Variants in HOXB7 observed in about 807,000 individuals in gnomAD.
HOXB7 encodes the protein homeobox protein Hox-B7.
In HOXB7, 11 loss-of-function variants were observed where a neutral mutation model predicts 19.2. The observed-to-expected ratio is 0.57, with a 90% CI of 0.36 to 0.95. The LOEUF is 0.95. Among genes scored for constraint, HOXB7 ranks in the 40% least tolerant of loss-of-function variants. The pLI is 0.01. For synonymous variants in HOXB7, 141 were observed against 130.2 expected (o/e 1.08, Z -0.56); for missense variants, 318 against 301.1 (o/e 1.06, Z -0.42).
At chr17:48,609,865 A>G (rs1440985015) in intron 1 of HOXB7, among the ~76,000 whole-genome samples, 2 of 152,142 alleles carry the variant, frequency 1.3e-5, no homozygotes, top group Non-Finnish European at 2.9e-5. Flanking sequence ...CACTGGGATC[A>G]GGAGGATCAT....
At chr17:48,610,027 G>T (rs1003706193) in intron 1 of HOXB7, among the ~76,000 whole-genome samples, 1 of 152,064 alleles carries the variant, frequency 6.6e-6, no homozygotes, top group Non-Finnish European at 1.5e-5. Flanking sequence ...GAGGAAGGGG[G>T]AGGGGAGAAT....
rs768594534 is a variant in HOXB7 at position 48,610,536 on chromosome 17, G to A, written c.383C>T (p.Pro128Leu). ...GGCGTTACCTGAGCTTCGCATCCAG[G>A]GGTAGATCCGGAAGTTACTCTCGGC... is the stretch of plus-strand genomic sequence containing the variant. ...LAAESNFRIY[P>L]WMRSSGTDRK... The change falls in exon 1 of 2, where the codon CCC (proline) becomes CTC (leucine). Residue 128 changes from proline to leucine, a missense_variant. By Grantham distance (98) the Pro-to-Leu change is moderately conservative (BLOSUM62 -3). Transcript: ENST00000239165. The A allele has an allele frequency of 1.8e-5, 28 of 1,513,570 alleles. No homozygotes were observed. Among genetic ancestry groups the A allele is most frequent in the Non-Finnish European group, 2.3e-5 (26 of 1,124,548 alleles). The allele number at this position is 1,513,570 out of a possible 1,614,324, so 93.8% of individuals were successfully genotyped here.
At chr17:48,610,194 C>T (rs906948881) in intron 1 of HOXB7, among the ~76,000 whole-genome samples, 1 of 152,178 alleles carries the variant, frequency 6.6e-6, no homozygotes, top group Non-Finnish European at 1.5e-5. Flanking sequence ...CAAACGGCCT[C>T]GTCTCCAGCC....
intron 1 of HOXB7, among the ~76,000 whole-genome samples, chr17:48,609,286 G>A (rs2070619412): frequency 6.6e-6 from 1 of 152,250 alleles, no homozygotes; most frequent in African/African-American, 2.4e-5. Context: ...TCCTGGGAAG[G>A]AGACAAGGGA....
In HOXB7 at chr17:48,610,821, G is replaced by C; in HGVS notation, c.98C>G (p.Ala33Gly). 6.3e-7 allele frequency: 1 copy of C among 1,583,776 alleles called. No homozygotes were observed. The highest frequency in any genetic ancestry group is 8.6e-7 in the Non-Finnish European group (1 of 1,167,926). ...CGGGCGCTGGGGGTTGGAAGCAAAC[G>C]CACAAGAAGTTTGTTCTGGGAAGGC... is the stretch of plus-strand genomic sequence containing the variant. Reference protein sequence around the residue: ...TGAFPEQTSCAFASNPQRPGY... With the variant: ...TGAFPEQTSCGFASNPQRPGY... The change falls in exon 1 of 2, where the codon GCG (alanine) becomes GGG (glycine). Residue 33 changes from alanine to glycine, a missense_variant. Physicochemically the swap from Ala to Gly is moderately conservative, Grantham distance 60. Coordinates refer to ENST00000239165, the MANE Select transcript of HOXB7 (RefSeq NM_004502.4).
chr17:48,608,514 G>T (rs2070613013), intron 1 of HOXB7, among the ~76,000 whole-genome samples: 1 of 151,454 alleles, frequency 6.6e-6, no homozygotes, highest in South Asian at 2.1e-4. Context: ...AATGGGCGAT[G>T]GGCAAAGAAG....
chr17:48,609,818 C>T (rs975116409), intron 1 of HOXB7, among the ~76,000 whole-genome samples: 2 of 152,182 alleles, frequency 1.3e-5, no homozygotes, highest in African/African-American at 4.8e-5. Flanking sequence ...GCCTCTGCCC[C>T]TTTCTAGTTC....
chr17:48,607,703 G>GT lies in HOXB7; in HGVS notation c.*138dup, dbSNP rs373086048. 14,859 of 607,734 alleles carry GT rather than the reference G, an allele frequency of 0.024. 124 individuals are homozygous for GT. Among genetic ancestry groups the GT allele is most frequent in the African/African-American group, 0.067 (3,431 of 50,888 alleles). The allele number at this position is 607,734 out of a possible 1,614,324, so 37.6% of individuals were successfully genotyped here. A position where few individuals can be genotyped will look rare whatever the true frequency, so the allele number is the denominator to read the frequency against. Reference sequence around the variant, plus strand: ...TTTAAACTCCTTTCATTTAAATAGGGTTTTTTTTTTGTTTTTTTTGTTTTT... The same window carrying GT: ...TTTAAACTCCTTTCATTTAAATAGGGTTTTTTTTTTTGTTTTTTTTGTTTTT... On this transcript the variant is annotated 3_prime_UTR_variant, in exon 2 of 2. Transcript: ENST00000239165.
chr17:48,608,714 C>A (rs992437532), intron 1 of HOXB7, among the ~76,000 whole-genome samples: 1 of 152,206 alleles, frequency 6.6e-6, no homozygotes, highest in African/African-American at 2.4e-5. Context: ...AAAGGCTCTG[C>A]ACCTAAGGGG....
chr17:48,610,074 C>T (rs1187169063), intron 1 of HOXB7, among the ~76,000 whole-genome samples: 4 of 94 alleles, frequency 0.043, no homozygotes, highest in Admixed American at 0.12. Flanking sequence ...ATACCTTATC[C>T]GAGTGGGGCA....
intron 1 of HOXB7, 104 bp downstream of exon 1, chr17:48,610,415 G>A: frequency 8.3e-7 from 1 of 1,204,532 alleles, no homozygotes; most frequent in Non-Finnish European, 1.1e-6. Context: ...CTCCGGCTGG[G>A]AGCACTCTGG....
Position 48,608,080 on chromosome 17 carries a change from C to T in HOXB7, c.416G>A (p.Arg139Gln). ...WMRSSGTDRK[R>Q]GRQTYTRYQT... ...GTAGCGGGTGTAGGTCTGGCGGCCT[C>T]GTTTGCGGTCAGTTCCTGCACACAG... Residue 139 changes from arginine (R) to glutamine (Q), a missense_variant, in exon 2 of 2, where the codon CGA (arginine) becomes CAA (glutamine). Coordinates refer to ENST00000239165, the MANE Select transcript of HOXB7 (RefSeq NM_004502.4). The T allele has an allele frequency of 1.1e-5, 18 of 1,613,312 alleles. No individual in the cohort carries two copies. Among genetic ancestry groups the T allele is most frequent in the Non-Finnish European group, 1.5e-5 (18 of 1,179,702 alleles).
In HOXB7 at chr17:48,607,924, T is replaced by C. The variant is rs143679393; in HGVS notation, c.572A>G (p.Lys191Arg). Residue 191 changes from lysine to arginine, a missense_variant, in exon 2 of 2, where the codon AAG (lysine) becomes AGG (arginine). Physicochemically the swap from Lys to Arg is conservative, Grantham distance 26 (BLOSUM62 2). Transcript: ENST00000239165. ...CGCGGTCTTGTTCTCCTTTTTCCAC[T>C]TCATGCGCCGGTTCTGAAACCAAAT... ...IKIWFQNRRMKWKKENKTAGP... is the reference protein window; with the variant it reads ...IKIWFQNRRMRWKKENKTAGP... The C allele has an allele frequency of 1.2e-4, 198 of 1,614,116 alleles. No homozygotes were observed. The highest frequency in any genetic ancestry group is 1.6e-4 in the Non-Finnish European group (187 of 1,180,016).
At position 48,607,473 on chromosome 17, in the gene HOXB7, G is replaced by A. The variant is rs547232458; in HGVS notation, c.*369C>T. On this transcript the variant is annotated 3_prime_UTR_variant, in exon 2 of 2. Transcript: ENST00000239165. ...AGTCCACAAAGACAGCATTAAAGAG[G>A]GCTTACAAAACTGCAAGATTTTACA... 1.5e-5 allele frequency: 3 copies of A among 204,760 alleles called. No individual in the cohort carries two copies. The highest frequency in any genetic ancestry group is 1.8e-4 in the South Asian group (2 of 11,404). 12.7% of individuals were successfully genotyped at this position (204,760 alleles called of 1,614,324 possible). A position where few individuals can be genotyped will look rare whatever the true frequency, so the allele number is the denominator to read the frequency against.
Position 48,610,795 on chromosome 17 carries a change from C to T in HOXB7, c.124G>A (p.Gly42Ser). Residue 42 changes from glycine (G) to serine (S), a missense_variant, in exon 1 of 2, where the codon GGC (glycine) becomes AGC (serine). Physicochemically the swap from Gly to Ser is moderately conservative, Grantham distance 56 (BLOSUM62 0). Transcript: ENST00000239165. ...GAAGCGCCCGAACCCGCTCCATAGCCCGGGCGCTGGGGGTTGGAAGCAAAC... is the reference window on the plus strand; with the variant it reads ...GAAGCGCCCGAACCCGCTCCATAGCTCGGGCGCTGGGGGTTGGAAGCAAAC... ...CAFASNPQRP[G>S]YGAGSGASFA... is the part of the protein sequence containing the mutation. 1 of 1,595,400 alleles carries T rather than the reference C, an allele frequency of 6.3e-7. No homozygotes were observed. The highest frequency in any genetic ancestry group is 8.5e-7 in the Non-Finnish European group (1 of 1,170,534).
At chr17:48,610,293 G>A (rs959216651) in intron 1 of HOXB7, among the ~76,000 whole-genome samples, 13 of 152,074 alleles carry the variant, frequency 8.5e-5, no homozygotes, top group Non-Finnish European at 1.5e-5. Flanking sequence ...CGTGGTGCCG[G>A]CGAAGAGAGA....
Position 48,607,963 on chromosome 17 carries a change from T to C in HOXB7, c.533A>G (p.Glu178Gly). The C allele has an allele frequency of 6.2e-7, 1 of 1,614,170 alleles. No homozygotes were observed. The highest frequency in any genetic ancestry group is 2.2e-5 in the East Asian group (1 of 44,880). ...IEIAHTLCLTERQIKIWFQNR... is the reference protein window; with the variant it reads ...IEIAHTLCLTGRQIKIWFQNR... ...CTGAAACCAAATCTTGATCTGTCTT[T>C]CCGTGAGGCAGAGCGTGTGCGCGAT... Residue 178 changes from glutamate (E) to glycine (G), a missense_variant, in exon 2 of 2, where the codon GAA becomes GGA. Coordinates refer to ENST00000239165, the MANE Select transcript of HOXB7 (RefSeq NM_004502.4).
Position 48,610,720 on chromosome 17 carries a change from C to T in HOXB7, c.199G>A (p.Gly67Ser). Residue 67 changes from glycine to serine, a missense_variant, in exon 1 of 2, where the codon GGC becomes AGC. Gly to Ser is a moderately conservative substitution (Grantham distance 56, BLOSUM62 0). Transcript: ENST00000239165. ...GLYPGGGGMA[G>S]QSAAGVYAAG... Reference sequence around the variant, plus strand: ...GCGTAGACGCCGGCCGCGCTCTGGCCCGCCATGCCCCCCCCGCCGGGGTAC... The same window carrying T: ...GCGTAGACGCCGGCCGCGCTCTGGCTCGCCATGCCCCCCCCGCCGGGGTAC... 1 of 1,593,972 alleles carries T rather than the reference C, an allele frequency of 6.3e-7. No homozygotes were observed. The highest frequency in any genetic ancestry group is 8.5e-7 in the Non-Finnish European group (1 of 1,170,288).
At position 48,607,539 on chromosome 17, in the gene HOXB7, C is replaced by T. The variant is rs1331597283; in HGVS notation, c.*303G>A. On this transcript the variant is annotated 3_prime_UTR_variant, in exon 2 of 2. Coordinates refer to ENST00000239165, the MANE Select transcript of HOXB7 (RefSeq NM_004502.4). ...CAACATAGAAAAGGGGAGGTAAATT[C>T]CAGAAAGCTACAGAACAGGTAGATA... is the stretch of plus-strand genomic sequence containing the variant. 5 of 303,038 alleles carry T rather than the reference C, an allele frequency of 1.6e-5. No homozygotes were observed. Among genetic ancestry groups the T allele is most frequent in the Non-Finnish European group, 3.0e-5 (5 of 165,458 alleles). 18.8% of individuals were successfully genotyped at this position (303,038 alleles called of 1,614,324 possible).
Sources: gnomAD v4.1 joint callset for allele counts (sites outside exome capture counted in the v4.1 genomes callset) on GRCh38, gnomAD v4.1.1 for gene constraint, MANE v1.5 for transcripts, NCBI Gene and HGNC (gene_info 2026-07-23, HGNC 2026-07-21) for gene names.